The following ADGRL3 variants were observed in gnomAD, a reference collection of about 807,000 sequenced individuals.
ADGRL3 encodes calcium-independent alpha-latrotoxin receptor 3.
ADGRL3 carries 62 observed loss-of-function variants against 153.5 expected under a neutral mutation model. The observed-to-expected ratio is 0.40, with a 90% CI of 0.33 to 0.50. The LOEUF is 0.50. Ranked by LOEUF, ADGRL3 falls within the 20% of genes least tolerant of loss-of-function variation. The probability of loss-of-function intolerance (pLI) is 0.47; values close to 1 mark genes in which losing one functional copy is unlikely to be tolerated. For missense variants in ADGRL3, 1,641 were observed against 1,859.4 expected (o/e 0.88, Z 2.16); for synonymous variants, 710 against 672.5 (o/e 1.06, Z -0.86).
Position 61,847,586 on chromosome 4 carries a change from GTA to G in ADGRL3, c.1480+33708_1480+33709del, listed in dbSNP as rs1165534669. Among the ~76,000 whole-genome samples the G allele has an allele frequency of 7.3e-5, 6 of 81,648 alleles. 1 individual carries two copies. Among genetic ancestry groups the G allele is most frequent in the South Asian group, 5.6e-4 (2 of 3,572 alleles). 53.6% of individuals were successfully genotyped at this position (81,648 alleles called of 152,430 possible). ...TATAGTACATTAAGTGTGTGTGTGT[GTA>G]TATATATATAATATATAATATATTA... On this transcript the variant is annotated intron_variant, in intron 9 of 26. Coordinates refer to ENST00000683033, the MANE Select transcript of ADGRL3 (RefSeq NM_001387552.1).
intron 9 of ADGRL3, among the ~76,000 whole-genome samples, chr4:61,881,704 A>T (rs1229400952): frequency 6.6e-6 from 1 of 152,204 alleles, no homozygotes; most frequent in Non-Finnish European, 1.5e-5. Context: ...AATTTGTTTT[A>T]ACTTCATACT....
intron 6 of ADGRL3, among the ~76,000 whole-genome samples, chr4:61,694,475 G>A (rs2095605192): frequency 6.6e-6 from 1 of 152,066 alleles, no homozygotes; most frequent in African/African-American, 2.4e-5. Context: ...AGTCTATTAA[G>A]TGTGCAGTAT....
intron 1 of ADGRL3, among the ~76,000 whole-genome samples, chr4:61,264,074 A>AT (rs1053073412): frequency 1.1e-4 from 17 of 152,020 alleles, no homozygotes; most frequent in African/African-American, 4.1e-4. Flanking sequence ...ACTGGCCAAT[A>AT]TTGAGAATTA....
chr4:61,606,946 G>C (rs1342428093), intron 5 of ADGRL3, among the ~76,000 whole-genome samples: 1 of 152,108 alleles, frequency 6.6e-6, no homozygotes, highest in Non-Finnish European at 1.5e-5. Flanking sequence ...TGTTGAAATT[G>C]CCAGACAGGT....
intron 4 of ADGRL3, among the ~76,000 whole-genome samples, chr4:61,525,266 T>G (rs1445524980): frequency 6.6e-6 from 1 of 152,086 alleles, no homozygotes; most frequent in Non-Finnish European, 1.5e-5. Context: ...CTAGGATAAT[T>G]TGCAAGCATA....
intron 1 of ADGRL3, among the ~76,000 whole-genome samples, chr4:61,216,640 C>T (rs1489319048): frequency 6.6e-6 from 1 of 151,890 alleles, no homozygotes; most frequent in Non-Finnish European, 1.5e-5. Context: ...GCTTAATAAA[C>T]ACACAAATAG....
At chr4:61,844,564 AAAAAAAAAAAAATAT>A (rs1198787681) in intron 9 of ADGRL3, among the ~76,000 whole-genome samples, 1 of 76,100 alleles carries the variant, frequency 1.3e-5, no homozygotes, top group Admixed American at 2.0e-4. Flanking sequence ...AAAAAAAAAA[AAAAAAAAAAAAATAT>A]ATATATATAT....
chr4:61,483,379 T>C (rs1280615613), intron 2 of ADGRL3, among the ~76,000 whole-genome samples: 1 of 152,178 alleles, frequency 6.6e-6, no homozygotes, highest in Non-Finnish European at 1.5e-5. Context: ...TGTATATACA[T>C]AGCAATTAAA....
At chr4:61,975,614 T>C in intron 17 of ADGRL3, among the ~76,000 whole-genome samples, 1 of 152,148 alleles carries the variant, frequency 6.6e-6, no homozygotes, top group East Asian at 1.9e-4. Flanking sequence ...ATCTCTCTGC[T>C]CTGCTAAATA....
At chr4:61,667,357 G>A (rs952232190) in intron 5 of ADGRL3, among the ~76,000 whole-genome samples, 1 of 152,050 alleles carries the variant, frequency 6.6e-6, no homozygotes, top group African/African-American at 2.4e-5. Flanking sequence ...ATCAAAAGAA[G>A]TTAGTATTTT....
At chr4:61,541,559 G>A (rs1341850400) in intron 4 of ADGRL3, among the ~76,000 whole-genome samples, 5 of 152,002 alleles carry the variant, frequency 3.3e-5, no homozygotes, top group African/African-American at 1.2e-4. Context: ...GGTCCCATGT[G>A]ATAGCTGAAC....
intron 2 of ADGRL3, among the ~76,000 whole-genome samples, chr4:61,390,249 C>T (rs899344577): frequency 6.6e-6 from 1 of 151,752 alleles, no homozygotes; most frequent in African/African-American, 2.4e-5. Context: ...ATGGCTAAAC[C>T]CTGAGCTAGC....
At chr4:61,691,215 A>G (rs2095534260) in intron 6 of ADGRL3, among the ~76,000 whole-genome samples, 1 of 152,208 alleles carries the variant, frequency 6.6e-6, no homozygotes, top group Admixed American at 6.5e-5. Flanking sequence ...ACTTGATCAA[A>G]TCTTGACACT....
chr4:61,920,903 T>C lies in ADGRL3; in HGVS notation c.2112+8146T>C, dbSNP rs1035173203. 1.1e-4 allele frequency among the ~76,000 whole-genome samples: 16 copies of C among 152,144 alleles called. 1 individual carries two copies. The highest frequency in any genetic ancestry group is 3.6e-4 in the African/African-American group (15 of 41,444). The stretch of plus-strand genomic sequence containing the variant: ...TGCAGCTTTGCAGCTGGGCATAGTG[T>C]CCAACGATTCTGTGTCTAACACAAG... On this transcript the variant is annotated intron_variant, in intron 13 of 26. Transcript: ENST00000683033.
chr4:61,396,344 G>A (rs1425417144), intron 2 of ADGRL3, among the ~76,000 whole-genome samples: 2 of 151,554 alleles, frequency 1.3e-5, no homozygotes, highest in South Asian at 2.1e-4. Context: ...TGATGATAAA[G>A]TTTTTAATTT....
At chr4:61,870,727 C>G (rs1285372401) in intron 9 of ADGRL3, among the ~76,000 whole-genome samples, 3 of 152,114 alleles carry the variant, frequency 2.0e-5, no homozygotes, top group Non-Finnish European at 2.9e-5. Flanking sequence ...AAAATACAAT[C>G]AAAACTATAA....
chr4:61,483,415 C>T (rs2098152888), intron 2 of ADGRL3, among the ~76,000 whole-genome samples: 1 of 152,102 alleles, frequency 6.6e-6, no homozygotes, highest in Non-Finnish European at 1.5e-5. Context: ...ATTATGCATT[C>T]ATAGACATTC....
chr4:61,505,492 A>T (rs2098422214), intron 3 of ADGRL3, among the ~76,000 whole-genome samples: 1 of 152,158 alleles, frequency 6.6e-6, no homozygotes, highest in Non-Finnish European at 1.5e-5. Context: ...AAGGCAATTC[A>T]TTGAGTTCTA....
intron 8 of ADGRL3, among the ~76,000 whole-genome samples, chr4:61,783,824 G>A (rs1169053991): frequency 1.3e-5 from 2 of 152,022 alleles, no homozygotes; most frequent in African/African-American, 4.8e-5. Flanking sequence ...TATGCATCAT[G>A]TGGATTTATT....
Sources: allele counts gnomAD v4.1 joint callset (sites outside exome capture counted in the v4.1 genomes callset), GRCh38; gene constraint gnomAD v4.1.1; transcripts MANE v1.5; gene names NCBI Gene and HGNC (gene_info 2026-07-23, HGNC 2026-07-21).